PTPRM: variants seen among roughly 807,000 people sequenced by gnomAD.
The protein encoded by PTPRM is receptor-type tyrosine-protein phosphatase mu.
A neutral mutation model predicts 186.7 loss-of-function variants in PTPRM; 47 were observed. That is an observed-to-expected ratio of 0.25 (90% CI 0.20 to 0.32). The LOEUF (loss-of-function observed/expected upper bound fraction) is 0.32. Among genes scored for constraint, PTPRM ranks in the 10% least tolerant of loss-of-function variants. The probability of loss-of-function intolerance (pLI) is 1.00; values close to 1 mark genes in which losing one functional copy is unlikely to be tolerated. For synonymous variants in PTPRM, 668 were observed against 674.9 expected, an observed-to-expected ratio of 0.99 and a Z score of 0.16; for missense variants, 1,494 against 1,865.0, an observed-to-expected ratio of 0.80 and a Z score of 3.66.
At chr18:7,676,293 A>C (rs1407858405) in intron 1 of PTPRM, among the ~76,000 whole-genome samples, 2 of 152,134 alleles carry the variant, frequency 1.3e-5, no homozygotes, top group Non-Finnish European at 2.9e-5. Flanking sequence ...TCTCTTGGCC[A>C]CTGTGGAGCC....
intron 7 of PTPRM, among the ~76,000 whole-genome samples, chr18:7,990,068 T>A (rs963165728): frequency 6.6e-6 from 1 of 152,038 alleles, no homozygotes; most frequent in Non-Finnish European, 1.5e-5. Context: ...CACGCCTGGC[T>A]AATTTTTGTA....
At position 8,269,067 on chromosome 18, in the gene PTPRM, A is replaced by G. The variant is rs557485270; in HGVS notation, c.2754+15653A>G. 3.7e-4 allele frequency among the ~76,000 whole-genome samples: 56 copies of G among 152,166 alleles called. 1 individual carries two copies. Among genetic ancestry groups the G allele is most frequent in the African/African-American group, 1.2e-3 (49 of 41,570 alleles). ...AGTACTAGAAATCCAAGCCAGAGCA[A>G]TTAGGCAAGAACAAGACATTAAAGG... is the stretch of plus-strand genomic sequence containing the variant. On this transcript the variant is annotated intron_variant, in intron 19 of 32. Transcript: ENST00000580170.
At chr18:7,595,049 CCA>C (rs1258270281) in intron 1 of PTPRM, among the ~76,000 whole-genome samples, 4 of 152,112 alleles carry the variant, frequency 2.6e-5, no homozygotes, top group Admixed American at 6.5e-5. Context: ...AGCCAATGTG[CCA>C]CTCGTTGAAT....
At chr18:8,205,374 T>A (rs1157660980) in intron 14 of PTPRM, among the ~76,000 whole-genome samples, 1 of 152,216 alleles carries the variant, frequency 6.6e-6, no homozygotes, top group Non-Finnish European at 1.5e-5. Context: ...TTAGGTTATA[T>A]TTTTATGATT....
intron 14 of PTPRM, among the ~76,000 whole-genome samples, chr18:8,166,516 A>G (rs564529224): frequency 2.0e-5 from 3 of 152,374 alleles, no homozygotes; most frequent in African/African-American, 7.2e-5. Context: ...AATGAAAAAT[A>G]AAAGCCAGAT....
chr18:7,972,478 TTAAAAA>T (rs2054607531), intron 7 of PTPRM, among the ~76,000 whole-genome samples: 1 of 8,132 alleles, frequency 1.2e-4, no homozygotes, highest in African/African-American at 3.3e-4. Flanking sequence ...AAAAAAAACA[TTAAAAA>T]AAAAAAAAAA....
chr18:7,983,690 G>A (rs1238467336), intron 7 of PTPRM, among the ~76,000 whole-genome samples: 1 of 152,120 alleles, frequency 6.6e-6, no homozygotes, highest in Non-Finnish European at 1.5e-5. Flanking sequence ...ACTAGGAGCA[G>A]TCCTACTTTC....
intron 1 of PTPRM, among the ~76,000 whole-genome samples, chr18:7,764,946 T>G (rs995910349): frequency 2.0e-5 from 3 of 152,208 alleles, no homozygotes; most frequent in Admixed American, 6.5e-5. Context: ...AGTATTATAT[T>G]CAGATAGATT....
At chr18:8,102,754 CAA>C (rs1453902657) in intron 11 of PTPRM, among the ~76,000 whole-genome samples, 1 of 152,168 alleles carries the variant, frequency 6.6e-6, no homozygotes, top group Non-Finnish European at 1.5e-5. Flanking sequence ...CCATGAATCA[CAA>C]ATGTTCTTAA....
chr18:8,339,835 G>A (rs1051596623), intron 22 of PTPRM, among the ~76,000 whole-genome samples: 18 of 152,136 alleles, frequency 1.2e-4, no homozygotes, highest in African/African-American at 4.3e-4. Context: ...TGGAGGGTAT[G>A]TTCTGATTTT....
chr18:7,840,421 C>T (rs558946916), intron 2 of PTPRM, among the ~76,000 whole-genome samples: 2 of 152,164 alleles, frequency 1.3e-5, no homozygotes, highest in Non-Finnish European at 2.9e-5. Context: ...CAAATTCTTC[C>T]TCTGAAGGTA....
chr18:7,831,757 C>T (rs1219085649), intron 2 of PTPRM, among the ~76,000 whole-genome samples: 3 of 152,122 alleles, frequency 2.0e-5, no homozygotes, highest in Non-Finnish European at 4.4e-5. Context: ...CCTTCATCTC[C>T]ACTTCCCTCC....
At chr18:8,022,376 G>A (rs1296126155) in intron 7 of PTPRM, among the ~76,000 whole-genome samples, 1 of 152,194 alleles carries the variant, frequency 6.6e-6, no homozygotes, top group African/African-American at 2.4e-5. Context: ...AGACTGAGCT[G>A]TTTAGGGTGC....
rs1863316238 is a variant in PTPRM, at chr18:8,378,457, C to T, written c.3612+43C>T. The T allele has an allele frequency of 2.5e-6, 4 of 1,600,848 alleles. No individual in the cohort carries two copies. In the South Asian group the frequency reaches 4.5e-5, roughly 18 times the overall value. ...GAGGGGCACTGCACGGTGACTTGCTCCTCAAGAAGGATTTCAAGGTCAGCA... is the reference window on the plus strand; with the variant it reads ...GAGGGGCACTGCACGGTGACTTGCTTCTCAAGAAGGATTTCAAGGTCAGCA... On this transcript the variant is annotated intron_variant, in intron 27 of 32. Coordinates refer to ENST00000580170, the MANE Select transcript of PTPRM (RefSeq NM_001105244.2).
At chr18:8,041,344 T>C (rs1365588616) in intron 7 of PTPRM, among the ~76,000 whole-genome samples, 1 of 152,136 alleles carries the variant, frequency 6.6e-6, no homozygotes, top group Non-Finnish European at 1.5e-5. Context: ...TTTTACTCTT[T>C]CAGCTCCTTG....
chr18:8,245,683 C>T (rs1601449097), intron 15 of PTPRM, among the ~76,000 whole-genome samples: 1 of 152,102 alleles, frequency 6.6e-6, no homozygotes, highest in Non-Finnish European at 1.5e-5. Context: ...GCAGGTATTC[C>T]TTGAAGGGGA....
intron 11 of PTPRM, among the ~76,000 whole-genome samples, chr18:8,096,864 G>A (rs893154925): frequency 6.6e-6 from 1 of 152,212 alleles, no homozygotes; most frequent in Non-Finnish European, 1.5e-5. Context: ...GTGAGGAAAG[G>A]TTGCAAATTC....
chr18:7,861,549 T>C (rs112734435), intron 2 of PTPRM, among the ~76,000 whole-genome samples: 4,797 of 152,244 alleles, frequency 0.032, 256 homozygotes, highest in African/African-American at 0.11. Flanking sequence ...CCCTAAAAGT[T>C]CTATAAAATA....
chr18:7,768,461 C>G (rs2042116906), intron 1 of PTPRM, among the ~76,000 whole-genome samples: 1 of 152,128 alleles, frequency 6.6e-6, no homozygotes, highest in Non-Finnish European at 1.5e-5. Context: ...CCACTGCACT[C>G]AAGCCTGAGC....
Sources: gnomAD v4.1 joint callset for allele counts (sites outside exome capture counted in the v4.1 genomes callset) on GRCh38, gnomAD v4.1.1 for gene constraint, MANE v1.5 for transcripts, NCBI Gene and HGNC (gene_info 2026-07-23, HGNC 2026-07-21) for gene names.